MAPRE3: variants seen among roughly 807,000 people sequenced by gnomAD.
MAPRE3 encodes microtubule associated protein RP/EB family member 3.
MAPRE3 carries 2 observed loss-of-function variants against 30.5 expected under a neutral mutation model. The observed-to-expected ratio is 0.07, with a 90% CI of 0.03 to 0.21. The LOEUF (loss-of-function observed/expected upper bound fraction) is 0.21, where lower values mean the gene tolerates loss of function less well. Ranked by LOEUF, MAPRE3 falls within the 10% of genes least tolerant of loss-of-function variation. MAPRE3 has a pLI of 1.00. For missense variants in MAPRE3, 204 were observed against 351.8 expected (o/e 0.58, Z 3.36); for synonymous variants, 110 against 127.7 (o/e 0.86, Z 0.93).
At chr2:26,971,212 T>G (rs1388022285) in intron 1 of MAPRE3, among the ~76,000 whole-genome samples, 1 of 152,096 alleles carries the variant, frequency 6.6e-6, no homozygotes, top group Non-Finnish European at 1.5e-5. Flanking sequence ...ATCTCCCCAG[T>G]GATGTGCCAG....
At chr2:27,023,761 C>T in intron 3 of MAPRE3, 1 of 511,190 alleles carries the variant, frequency 2.0e-6, no homozygotes, top group African/African-American at 1.9e-5. Flanking sequence ...TTCCACCTCT[C>T]TCTGTCTCTG....
chr2:26,974,962 G>A (rs996190345), intron 1 of MAPRE3, among the ~76,000 whole-genome samples: 1 of 152,162 alleles, frequency 6.6e-6, no homozygotes, highest in Non-Finnish European at 1.5e-5. Context: ...CACCCCTCTC[G>A]GTATTTGACA....
chr2:27,007,859 A>C (rs1666765976), intron 1 of MAPRE3, among the ~76,000 whole-genome samples: 1 of 152,252 alleles, frequency 6.6e-6, no homozygotes, highest in African/African-American at 2.4e-5. Context: ...GAAGTATTTG[A>C]TTCTACTCAG....
At position 26,985,494 on chromosome 2, in the gene MAPRE3, T is replaced by C. The variant is rs901908070; in HGVS notation, c.-8+14692T>C. Reference sequence around the variant, plus strand: ...GCTCAGGTGTGGCCCAGACCAGTGCTGTACCATACTGCCATGGCCACAGGG... The same window carrying C: ...GCTCAGGTGTGGCCCAGACCAGTGCCGTACCATACTGCCATGGCCACAGGG... On this transcript the variant is annotated intron_variant, in intron 1 of 6. Transcript: ENST00000233121. This position sits in a 1 kb window ranked among gnomAD's most constrained non-coding sequence, Gnocchi z 4.2. Among the ~76,000 whole-genome samples the C allele has an allele frequency of 7.9e-5, 12 of 152,120 alleles. No individual in the cohort carries two copies. The highest frequency in any genetic ancestry group is 2.9e-4 in the African/African-American group (12 of 41,416).
chr2:26,976,457 CAGTT>C (rs1382312975), intron 1 of MAPRE3, among the ~76,000 whole-genome samples: 8 of 152,170 alleles, frequency 5.3e-5, no homozygotes, highest in African/African-American at 1.9e-4. Context: ...TTTCGTGTGA[CAGTT>C]AGCCAAGTTT....
chr2:26,987,589 G>T (rs1164605859), intron 1 of MAPRE3, among the ~76,000 whole-genome samples: 4 of 152,308 alleles, frequency 2.6e-5, no homozygotes, highest in African/African-American at 9.6e-5. Context: ...AGTGAGCCGA[G>T]ATCGCGCCAT....
At chr2:26,993,351 CAA>C (rs1666389212) in intron 1 of MAPRE3, among the ~76,000 whole-genome samples, 1 of 152,098 alleles carries the variant, frequency 6.6e-6, no homozygotes, top group Non-Finnish European at 1.5e-5. Flanking sequence ...GCCTGGGCAA[CAA>C]GAGTGGAACT....
intron 1 of MAPRE3, among the ~76,000 whole-genome samples, chr2:26,994,418 C>T (rs1307592490): frequency 6.6e-6 from 1 of 152,186 alleles, no homozygotes; most frequent in African/African-American, 2.4e-5. Context: ...ATTAATTCTC[C>T]TCTCTCTACC....
At chr2:26,991,600 A>C (rs574364325) in intron 1 of MAPRE3, among the ~76,000 whole-genome samples, 1 of 152,226 alleles carries the variant, frequency 6.6e-6, no homozygotes, top group Non-Finnish European at 1.5e-5. Context: ...TCTAAACAAT[A>C]GAATTCCACA....
At chr2:27,012,376 A>C (rs1666881474) in intron 1 of MAPRE3, 1 of 152,146 alleles carries the variant, frequency 6.6e-6, no homozygotes, top group South Asian at 2.1e-4. Flanking sequence ...ATTTGTGTTC[A>C]TTTGGCCAGG....
At position 26,986,047 on chromosome 2, in the gene MAPRE3, A is replaced by T. The variant is rs1440368011; in HGVS notation, c.-8+15245A>T. 6.6e-6 allele frequency among the ~76,000 whole-genome samples: 1 copy of T among 152,168 alleles called. No homozygotes were observed. Among genetic ancestry groups the T allele is most frequent in the African/African-American group, 2.4e-5 (1 of 41,446 alleles). On this transcript the variant is annotated intron_variant, in intron 1 of 6. Coordinates refer to ENST00000233121, the MANE Select transcript of MAPRE3 (RefSeq NM_012326.4). This position sits in a 1 kb window ranked among gnomAD's most constrained non-coding sequence, Gnocchi z 4.2. ...GTCATTTGTCACAGTAGGCACAGGA[A>T]ACTAATCCAGTGTGCCAAAATCAAG...
chr2:26,982,498 C>A (rs1666136359), intron 1 of MAPRE3, among the ~76,000 whole-genome samples: 1 of 152,314 alleles, frequency 6.6e-6, no homozygotes, highest in South Asian at 2.1e-4. Context: ...AAGTATGGCT[C>A]CCTGCCAGTC....
chr2:27,016,416 G>A (rs920011976), intron 1 of MAPRE3, among the ~76,000 whole-genome samples: 3 of 143,020 alleles, frequency 2.1e-5, no homozygotes, highest in African/African-American at 7.8e-5. Context: ...ATGGAGTGTC[G>A]CTCTTTTGCC....
intron 1 of MAPRE3, among the ~76,000 whole-genome samples, chr2:27,008,639 C>T (rs1404272800): frequency 6.6e-6 from 1 of 151,994 alleles, no homozygotes; most frequent in African/African-American, 2.4e-5. Flanking sequence ...CTGGGCCTTC[C>T]AACTACAAAC....
At chr2:27,012,676 A>C (rs1157086173) in intron 1 of MAPRE3, 1 of 152,670 alleles carries the variant, frequency 6.6e-6, no homozygotes, top group Non-Finnish European at 1.5e-5. Context: ...GGTAGAGTAG[A>C]GTCTGAGGGC....
At chr2:26,993,504 A>G (rs1404897288) in intron 1 of MAPRE3, among the ~76,000 whole-genome samples, 1 of 152,212 alleles carries the variant, frequency 6.6e-6, no homozygotes, top group African/African-American at 2.4e-5. Flanking sequence ...GTCCCCCACC[A>G]TATTACACCA....
chr2:27,025,032 C>T (rs1667205622), intron 4 of MAPRE3, among the ~76,000 whole-genome samples: 3 of 152,168 alleles, frequency 2.0e-5, no homozygotes, highest in Non-Finnish European at 4.4e-5. Context: ...CAAGTCGCCA[C>T]GGCATGCTGG....
intron 1 of MAPRE3, among the ~76,000 whole-genome samples, chr2:26,973,402 G>A (rs1308553039): frequency 6.6e-6 from 1 of 152,180 alleles, no homozygotes; most frequent in Non-Finnish European, 1.5e-5. Context: ...ATTGAACGGA[G>A]GAAAGTTCCC....
chr2:26,981,976 G>C (rs575512018), intron 1 of MAPRE3, among the ~76,000 whole-genome samples: 2 of 152,290 alleles, frequency 1.3e-5, no homozygotes, highest in East Asian at 3.9e-4. Flanking sequence ...CAGACAGATA[G>C]AGTCCCTTGC....
Sources: gnomAD v4.1 joint callset for allele counts (sites outside exome capture counted in the v4.1 genomes callset) on GRCh38, gnomAD v4.1.1 for gene constraint, Gnocchi (gnomAD v3.1) non-coding constraint, MANE v1.5 for transcripts, NCBI Gene and HGNC (gene_info 2026-07-23, HGNC 2026-07-21) for gene names.